Variants in IL1RAPL2 observed in about 807,000 individuals in gnomAD.
IL1RAPL2 encodes X-linked interleukin-1 receptor accessory protein-like 2.
In IL1RAPL2, 3 loss-of-function variants were observed where a neutral mutation model predicts 44.1. That is an observed-to-expected ratio of 0.07 (90% CI 0.03 to 0.18). IL1RAPL2 has a LOEUF of 0.18. Ranked by LOEUF, IL1RAPL2 falls within the 10% of genes least tolerant of loss-of-function variation. The pLI, the probability that IL1RAPL2 is intolerant of heterozygous loss-of-function variation, is 1.00. For missense variants in IL1RAPL2, 391 were observed against 496.4 expected (o/e 0.79, Z 2.02); for synonymous variants, 181 against 178.8 (o/e 1.01, Z -0.10).
At chrX:104,586,315 T>C (rs1379717481) in intron 1 of IL1RAPL2, among the ~76,000 whole-genome samples, 1 of 112,081 alleles carries the variant, frequency 8.9e-6, no homozygotes, top group Non-Finnish European at 1.9e-5. Flanking sequence ...TTAAAATTTG[T>C]TTAATCCTTA....
intron 6 of IL1RAPL2, among the ~76,000 whole-genome samples, chrX:105,572,865 A>G (rs953748353): frequency 3.6e-5 from 4 of 112,059 alleles, no homozygotes. Context: ...TTCATATTAC[A>G]TCAATTTATT....
At chrX:104,684,606 C>A (rs1016345175) in intron 2 of IL1RAPL2, among the ~76,000 whole-genome samples, 1 of 112,145 alleles carries the variant, frequency 8.9e-6, no homozygotes, top group Non-Finnish European at 1.9e-5. Context: ...GAAGAGCTTG[C>A]GCTGTGGCTT....
intron 2 of IL1RAPL2, among the ~76,000 whole-genome samples, chrX:104,660,477 G>A (rs965212161): frequency 1.2e-4 from 13 of 107,136 alleles, no homozygotes; most frequent in Non-Finnish European, 2.5e-4. Flanking sequence ...ATAAGTTGCT[G>A]TCAATGTATT....
chrX:105,686,267 TAA>T (rs1189080848), intron 6 of IL1RAPL2, among the ~76,000 whole-genome samples: 4 of 104,940 alleles, frequency 3.8e-5, no homozygotes, highest in East Asian at 3.0e-4. Flanking sequence ...GCAAATTTGA[TAA>T]AGAGTCAAGA....
At chrX:104,875,032 G>A (rs1302385991) in intron 2 of IL1RAPL2, among the ~76,000 whole-genome samples, 1 of 111,294 alleles carries the variant, frequency 9.0e-6, no homozygotes, top group Non-Finnish European at 1.9e-5. Flanking sequence ...CTGAAAAATG[G>A]GATATTATTC....
intron 1 of IL1RAPL2, among the ~76,000 whole-genome samples, chrX:104,646,624 GTAA>G (rs1231583522): frequency 8.9e-6 from 1 of 112,024 alleles, no homozygotes; most frequent in African/African-American, 3.3e-5. Flanking sequence ...TTTCACTTAT[GTAA>G]TGTGTTGGCT....
chrX:105,721,151 C>T (rs1602538793), intron 7 of IL1RAPL2, among the ~76,000 whole-genome samples: 1 of 111,543 alleles, frequency 9.0e-6, no homozygotes, highest in Non-Finnish European at 1.9e-5. Context: ...AGCGGTGGCT[C>T]ATGACTGTAA....
intron 2 of IL1RAPL2, among the ~76,000 whole-genome samples, chrX:105,104,510 A>G (rs12864183): frequency 0.026 from 2,945 of 112,225 alleles, 39 homozygotes; most frequent in Non-Finnish European, 0.04. Flanking sequence ...CTCATGGCCA[A>G]ACTAGGACTA....
intron 2 of IL1RAPL2, among the ~76,000 whole-genome samples, chrX:105,087,461 C>T (rs2032493125): frequency 8.9e-6 from 1 of 111,798 alleles, no homozygotes; most frequent in East Asian, 2.8e-4. Flanking sequence ...ATTAAGCAAA[C>T]ACATTATTCC....
intron 2 of IL1RAPL2, among the ~76,000 whole-genome samples, chrX:104,880,719 A>G (rs1001121935): frequency 1.8e-5 from 2 of 112,465 alleles, no homozygotes; most frequent in Non-Finnish European, 3.8e-5. Context: ...TGTGATTCTT[A>G]TCACGCAAAC....
intron 7 of IL1RAPL2, among the ~76,000 whole-genome samples, chrX:105,719,387 G>A (rs935709727): frequency 9.0e-6 from 1 of 111,603 alleles, no homozygotes; most frequent in Non-Finnish European, 1.9e-5. Flanking sequence ...GCGCCAGTGG[G>A]GAGGAATGGA....
intron 5 of IL1RAPL2, among the ~76,000 whole-genome samples, chrX:105,341,957 C>T (rs1291703784): frequency 9.1e-6 from 1 of 109,714 alleles, no homozygotes; most frequent in African/African-American, 3.3e-5. Context: ...GGCACATATA[C>T]ACCATGGAAT....
chrX:104,775,484 G>C (rs1422320213), intron 2 of IL1RAPL2, among the ~76,000 whole-genome samples: 2 of 111,947 alleles, frequency 1.8e-5, no homozygotes, highest in Non-Finnish European at 3.8e-5. Context: ...AAAACAAATG[G>C]GGTGATTAGT....
At chrX:105,043,402 T>C (rs959967593) in intron 2 of IL1RAPL2, among the ~76,000 whole-genome samples, 1 of 108,771 alleles carries the variant, frequency 9.2e-6, no homozygotes, top group Non-Finnish European at 1.9e-5. Context: ...TTCAACACAC[T>C]TTTTAGGAAG....
At chrX:104,601,101 AGATAT>A (rs761403197) in intron 1 of IL1RAPL2, among the ~76,000 whole-genome samples, 7 of 112,018 alleles carry the variant, frequency 6.2e-5, no homozygotes, top group Non-Finnish European at 1.1e-4. Flanking sequence ...GAAAATATTT[AGATAT>A]GATATGCAAA....
At position 104,837,436 on chromosome X, in the gene IL1RAPL2, G is replaced by A. The variant is rs140277910; in HGVS notation, c.82+178441G>A. ...ATCACCATTCTGACTGGGGTGAGAT[G>A]GTATCTCACTGTGGTTTTGATTTGC... On this transcript the variant is annotated intron_variant, in intron 2 of 10. Transcript: ENST00000372582. Among the ~76,000 whole-genome samples, 295 of 111,590 alleles carry A rather than the reference G, an allele frequency of 2.6e-3. 4 individuals carry two copies. In the East Asian group the frequency reaches 0.055, roughly 21 times the overall value.
At chrX:104,714,849 A>G (rs1365222068) in intron 2 of IL1RAPL2, among the ~76,000 whole-genome samples, 1 of 111,145 alleles carries the variant, frequency 9.0e-6, no homozygotes, top group Non-Finnish European at 1.9e-5. Context: ...CATAGTGAAT[A>G]AGCTTTTTGA....
At chrX:104,732,978 T>A (rs1364601729) in intron 2 of IL1RAPL2, among the ~76,000 whole-genome samples, 1 of 111,840 alleles carries the variant, frequency 8.9e-6, no homozygotes, top group Non-Finnish European at 1.9e-5. Context: ...TTTAACTTTT[T>A]AAAAAATTAT....
chrX:104,604,914 C>T (rs1195922202), intron 1 of IL1RAPL2, among the ~76,000 whole-genome samples: 4 of 110,987 alleles, frequency 3.6e-5, no homozygotes, highest in Non-Finnish European at 7.5e-5. Flanking sequence ...ATCAAAGAGA[C>T]AGAAAATTAA....
Sources: allele counts gnomAD v4.1 joint callset (sites outside exome capture counted in the v4.1 genomes callset), GRCh38; gene constraint gnomAD v4.1.1; transcripts MANE v1.5; gene names NCBI Gene and HGNC (gene_info 2026-07-23, HGNC 2026-07-21).